CYP7B1: variants seen among roughly 807,000 people sequenced by gnomAD.
CYP7B1 encodes cytochrome P450 7B1.
A neutral mutation model predicts 42.7 loss-of-function variants in CYP7B1; 29 were observed. The ratio of observed to expected loss-of-function variants is 0.68; its 90% CI spans 0.51 to 0.93. The LOEUF is 0.93. Among genes scored for constraint, CYP7B1 ranks in the 40% least tolerant of loss-of-function variants. CYP7B1 has a pLI of 0.00. For missense variants in CYP7B1, 655 were observed against 600.5 expected (o/e 1.09, Z -0.95); for synonymous variants, 235 against 218.2 (o/e 1.08, Z -0.68).
At chr8:64,683,658 T>C (rs996808459) in intron 1 of CYP7B1, among the ~76,000 whole-genome samples, 12 of 152,226 alleles carry the variant, frequency 7.9e-5, no homozygotes, top group Non-Finnish European at 1.5e-4. Flanking sequence ...TACCCCATTT[T>C]CCATGATGGG....
chr8:64,645,051 A>G lies in CYP7B1; in HGVS notation c.123-20512T>C, dbSNP rs569754683. 3.0e-3 allele frequency among the ~76,000 whole-genome samples: 452 copies of G among 151,596 alleles called. 8 individuals are homozygous for G. The highest frequency in any genetic ancestry group is 0.011 in the African/African-American group (440 of 41,264). The stretch of plus-strand genomic sequence containing the variant: ...TTGCAATAGTTTACTGAGAATGATG[A>G]TTTCCAATTTCATCCATGTCCCTAC... On this transcript the variant is annotated intron_variant, in intron 1 of 5. Coordinates refer to ENST00000310193, the MANE Select transcript of CYP7B1 (RefSeq NM_004820.5).
chr8:64,738,558 A>G (rs1807524314), intron 1 of CYP7B1, among the ~76,000 whole-genome samples: 1 of 152,134 alleles, frequency 6.6e-6, no homozygotes, highest in African/African-American at 2.4e-5. Flanking sequence ...GCACACACAC[A>G]CACACACGCA....
intron 1 of CYP7B1, among the ~76,000 whole-genome samples, chr8:64,717,558 G>C (rs1446617503): frequency 6.6e-6 from 1 of 152,054 alleles, no homozygotes; most frequent in Non-Finnish European, 1.5e-5. Flanking sequence ...ACATCTCTAA[G>C]AGTTATTTTT....
chr8:64,754,223 G>A (rs1363776091), intron 1 of CYP7B1, among the ~76,000 whole-genome samples: 1 of 152,202 alleles, frequency 6.6e-6, no homozygotes, highest in South Asian at 2.1e-4. Context: ...TGGGAAGTCG[G>A]GAAGAGTCTG....
chr8:64,784,031 C>A (rs1225975000), intron 1 of CYP7B1, among the ~76,000 whole-genome samples: 8 of 152,160 alleles, frequency 5.3e-5, no homozygotes, highest in Admixed American at 3.9e-4. Context: ...ACCAAGGTAT[C>A]AGTCCTTGAC....
At chr8:64,686,135 C>T (rs1456795112) in intron 1 of CYP7B1, among the ~76,000 whole-genome samples, 5 of 96,860 alleles carry the variant, frequency 5.2e-5, no homozygotes, top group African/African-American at 1.3e-4. Context: ...CCAGCCGCCC[C>T]GTCTGGGAGG....
chr8:64,760,922 C>G (rs1392189650), intron 1 of CYP7B1, among the ~76,000 whole-genome samples: 1 of 152,066 alleles, frequency 6.6e-6, no homozygotes, highest in Admixed American at 6.6e-5. Flanking sequence ...TAGCATTATT[C>G]ACAACAGACA....
At chr8:64,675,573 C>T (rs1312268119) in intron 1 of CYP7B1, among the ~76,000 whole-genome samples, 2 of 151,002 alleles carry the variant, frequency 1.3e-5, no homozygotes, top group East Asian at 3.9e-4. Context: ...ATTTTAAAAA[C>T]CAAAATATTA....
downstream of CYP7B1, among the ~76,000 whole-genome samples, chr8:64,587,552 C>G (rs1310352950): frequency 1.3e-5 from 2 of 152,198 alleles, no homozygotes; most frequent in African/African-American, 2.4e-5. Context: ...GAAAGCGCCC[C>G]GGTTTTAAAC....
chr8:64,767,199 T>C (rs1023808986), intron 1 of CYP7B1, among the ~76,000 whole-genome samples: 1 of 152,170 alleles, frequency 6.6e-6, no homozygotes, highest in Admixed American at 6.5e-5. Context: ...TGCAGCAATA[T>C]GGAGAGAAAG....
At chr8:64,693,308 C>T (rs938726698) in intron 1 of CYP7B1, among the ~76,000 whole-genome samples, 2 of 152,066 alleles carry the variant, frequency 1.3e-5, no homozygotes, top group African/African-American at 4.8e-5. Flanking sequence ...TGTGTGCGTC[C>T]GTGTGTGTGT....
At position 64,798,483 on chromosome 8, in the gene CYP7B1, C is replaced by G. The variant is rs1563432681; in HGVS notation, c.105G>C (p.Leu35Phe). 6.6e-7 allele frequency: 1 copy of G among 1,513,408 alleles called. No homozygotes were observed. The allele number at this position is 1,513,408 out of a possible 1,614,324, so 93.7% of individuals were successfully genotyped here. The part of the protein sequence containing the change: ...AAALLLLALC[L>F]LVRRTRRPGE... Reference sequence around the variant, plus strand: ...GCGCTTACCTGGTGCGCCGGACAAGCAAGCAGAGGGCCAGGAGCAGCAGGG... The same window carrying G: ...GCGCTTACCTGGTGCGCCGGACAAGGAAGCAGAGGGCCAGGAGCAGCAGGG... Residue 35 changes from leucine (L) to phenylalanine (F), a missense_variant, in exon 1 of 6, where the codon TTG (leucine) becomes TTC (phenylalanine). Physicochemically the swap from Leu to Phe is conservative, Grantham distance 22. Transcript: ENST00000310193.
intron 1 of CYP7B1, among the ~76,000 whole-genome samples, chr8:64,719,728 C>T (rs1403542660): frequency 6.6e-6 from 1 of 152,144 alleles, no homozygotes. Flanking sequence ...GGTAAGACTT[C>T]AATGGGACAG....
In CYP7B1 at chr8:64,616,298, A is replaced by G; in HGVS notation, c.260-17T>C. The G allele has an allele frequency of 7.0e-7, 1 of 1,423,486 alleles. No individual in the cohort carries two copies. Among genetic ancestry groups the G allele is most frequent in the Non-Finnish European group, 9.7e-7 (1 of 1,027,280 alleles). The allele number at this position is 1,423,486 out of a possible 1,614,324, so 88.2% of individuals were successfully genotyped here. On this transcript the variant is annotated splice_polypyrimidine_tract_variant and intron_variant, in intron 2 of 5. Transcript: ENST00000310193. The stretch of plus-strand genomic sequence containing the variant: ...TGTACTTTCCTAGAAAAAAAAAAAG[A>G]GAGAGAAAATATGAGTTCGTTTGTT...
chr8:64,751,863 C>A (rs184846338), intron 1 of CYP7B1, among the ~76,000 whole-genome samples: 2 of 152,156 alleles, frequency 1.3e-5, no homozygotes, highest in African/African-American at 4.8e-5. Context: ...TGGTTCCTAA[C>A]CTCTCTGACC....
chr8:64,699,979 C>G (rs1249057719), intron 1 of CYP7B1, among the ~76,000 whole-genome samples: 1 of 152,066 alleles, frequency 6.6e-6, no homozygotes, highest in Non-Finnish European at 1.5e-5. Context: ...TGGCTGGCAC[C>G]TGGTGCTAGA....
At chr8:64,642,547 G>T (rs913835030) in intron 1 of CYP7B1, among the ~76,000 whole-genome samples, 1 of 152,130 alleles carries the variant, frequency 6.6e-6, no homozygotes, top group East Asian at 1.9e-4. Context: ...TTCGTCACAG[G>T]TTCCTCACTA....
chr8:64,654,832 C>A (rs1321552992), intron 1 of CYP7B1, among the ~76,000 whole-genome samples: 1 of 152,054 alleles, frequency 6.6e-6, no homozygotes, highest in African/African-American at 2.4e-5. Context: ...GCACATAGAC[C>A]AATGGGACAG....
At chr8:64,586,906 A>G (rs1804975403), downstream of CYP7B1, among the ~76,000 whole-genome samples, 1 of 152,224 alleles carries the variant, frequency 6.6e-6, no homozygotes, top group Non-Finnish European at 1.5e-5. Flanking sequence ...TCGGCCTTTT[A>G]AATCAAACTT....
Sources: allele counts gnomAD v4.1 joint callset (sites outside exome capture counted in the v4.1 genomes callset), GRCh38; gene constraint gnomAD v4.1.1; transcripts MANE v1.5; gene names NCBI Gene and HGNC (gene_info 2026-07-23, HGNC 2026-07-21).